DMD: variants seen among roughly 807,000 people sequenced by gnomAD.
The protein encoded by DMD is dystrophin.
A neutral mutation model predicts 330.1 loss-of-function variants in DMD; 63 were observed. That is an observed-to-expected ratio of 0.19 (90% CI 0.16 to 0.24). The LOEUF (loss-of-function observed/expected upper bound fraction) is 0.24, where lower values mean the gene tolerates loss of function less well. Ranked by LOEUF, DMD falls within the 10% of genes least tolerant of loss-of-function variation. The pLI is 1.00. For missense variants in DMD, 3,344 were observed against 2,684.1 expected, an observed-to-expected ratio of 1.25 and a Z score of -5.43; for synonymous variants, 1,223 against 959.8, an observed-to-expected ratio of 1.27 and a Z score of -5.07.
chrX:31,487,482 A>G (rs2068907848), intron 57 of DMD, among the ~76,000 whole-genome samples: 1 of 111,041 alleles, frequency 9.0e-6, no homozygotes, highest in Admixed American at 9.6e-5. Flanking sequence ...GTTAGCCAGG[A>G]TGGTCTTGAT....
intron 44 of DMD, among the ~76,000 whole-genome samples, chrX:32,037,547 T>C (rs1810748266): frequency 9.0e-6 from 1 of 111,669 alleles, no homozygotes; most frequent in South Asian, 3.7e-4. Context: ...ATAGCCTCCT[T>C]CCATTGATTC....
chrX:31,947,512 C>A (rs1452760738), intron 45 of DMD, among the ~76,000 whole-genome samples: 1 of 112,158 alleles, frequency 8.9e-6, no homozygotes, highest in Non-Finnish European at 1.9e-5. Context: ...CCCCGACTGA[C>A]TACGATGGTT....
At chrX:32,048,002 T>C (rs1603623209) in intron 44 of DMD, among the ~76,000 whole-genome samples, 1 of 107,241 alleles carries the variant, frequency 9.3e-6, no homozygotes, top group Admixed American at 1.0e-4. Context: ...ATTTATAACA[T>C]CTTCAGTTTC....
At chrX:33,202,691 A>C (rs2051344791) in intron 1 of DMD, among the ~76,000 whole-genome samples, 1 of 111,991 alleles carries the variant, frequency 8.9e-6, no homozygotes, top group African/African-American at 3.2e-5. Context: ...GCCTATTTAT[A>C]AAAATGGATT....
intron 53 of DMD, among the ~76,000 whole-genome samples, chrX:31,664,529 C>CTTTTTTTTTTTT (rs57706460): frequency 1.6e-5 from 1 of 63,786 alleles, no homozygotes; most frequent in Non-Finnish European, 2.8e-5. Flanking sequence ...AGTGTTCAAG[C>CTTTTTTTTTTTT]TTTTTTTTTT....
intron 1 of DMD, among the ~76,000 whole-genome samples, chrX:33,104,430 C>A (rs1167565555): frequency 1.8e-5 from 2 of 111,038 alleles, no homozygotes; most frequent in African/African-American, 6.5e-5. Context: ...ATGGCCTGTT[C>A]CTGCCTTAAC....
At position 32,137,076 on chromosome X, in the gene DMD, T is replaced by C. The variant is rs145317885; in HGVS notation, c.6438+79840A>G. The stretch of plus-strand genomic sequence containing the variant: ...GCGTGCATTATCAGCACAGATAACA[T>C]AAAACTTTTTTTAAAAATGTGGGTT... On this transcript the variant is annotated intron_variant, in intron 44 of 78. Coordinates refer to ENST00000357033, the MANE Select transcript of DMD (RefSeq NM_004006.3). Among the ~76,000 whole-genome samples the C allele has an allele frequency of 7.6e-3, 850 of 112,354 alleles. 5 individuals carry two copies. Among genetic ancestry groups the C allele is most frequent in the Middle Eastern group, 0.014 (3 of 216 alleles).
intron 2 of DMD, among the ~76,000 whole-genome samples, chrX:32,999,420 C>CCT (rs768410952): frequency 1.1e-4 from 12 of 111,844 alleles, no homozygotes; most frequent in South Asian, 3.8e-4. Context: ...TTGAAGACTC[C>CCT]CTTTTAAGTT....
At chrX:31,808,957 T>C (rs2092375577) in intron 50 of DMD, among the ~76,000 whole-genome samples, 1 of 110,332 alleles carries the variant, frequency 9.1e-6, no homozygotes, top group Admixed American at 9.8e-5. Flanking sequence ...ACTATTATAA[T>C]CCATAATGAA....
At chrX:33,262,349 C>T (rs1053882392) in intron 1 of DMD, among the ~76,000 whole-genome samples, 2 of 110,774 alleles carry the variant, frequency 1.8e-5, no homozygotes, top group African/African-American at 6.5e-5. Flanking sequence ...CAATATTATA[C>T]GACAATAAGA....
chrX:32,489,767 C>T (rs1334961312), intron 20 of DMD, among the ~76,000 whole-genome samples: 1 of 111,662 alleles, frequency 9.0e-6, no homozygotes, highest in Non-Finnish European at 1.9e-5. Flanking sequence ...TCTCAAGAAT[C>T]GGATAAGGTA....
intron 71 of DMD, among the ~76,000 whole-genome samples, chrX:31,176,550 G>A (rs2040521370): frequency 9.0e-6 from 1 of 110,965 alleles, no homozygotes; most frequent in Non-Finnish European, 1.9e-5. Context: ...TTTCTTACTC[G>A]GTTAAACTTA....
At chrX:31,441,136 CTCT>C (rs1273776998) in intron 60 of DMD, among the ~76,000 whole-genome samples, 1 of 112,257 alleles carries the variant, frequency 8.9e-6, no homozygotes, top group Non-Finnish European at 1.9e-5. Context: ...AAATTTAAGA[CTCT>C]TCTTCTTTTC....
At chrX:32,814,773 A>G (rs759534851) in intron 6 of DMD, among the ~76,000 whole-genome samples, 38 of 111,804 alleles carry the variant, frequency 3.4e-4, no homozygotes, top group African/African-American at 1.1e-3. Flanking sequence ...ATCATTAAAT[A>G]GAATATTAAC....
At chrX:31,754,296 T>C (rs746549143) in intron 51 of DMD, among the ~76,000 whole-genome samples, 1 of 111,794 alleles carries the variant, frequency 8.9e-6, no homozygotes, top group East Asian at 2.8e-4. Context: ...ATCTGGCCTA[T>C]ATGCAGACAA....
At chrX:33,218,239 T>A (rs895315706) in intron 1 of DMD, among the ~76,000 whole-genome samples, 3 of 111,591 alleles carry the variant, frequency 2.7e-5, no homozygotes, top group Non-Finnish European at 5.7e-5. Context: ...TGTGTAAAAA[T>A]TTGTTAAGGC....
chrX:33,304,253 A>G (rs1295913906), intron 1 of DMD, among the ~76,000 whole-genome samples: 1 of 110,810 alleles, frequency 9.0e-6, no homozygotes, highest in Non-Finnish European at 1.9e-5. Context: ...GCCCTCAGAA[A>G]TAATGCTGCA....
At chrX:31,700,651 T>C (rs894474139) in intron 52 of DMD, among the ~76,000 whole-genome samples, 2 of 112,043 alleles carry the variant, frequency 1.8e-5, no homozygotes, top group African/African-American at 3.2e-5. Context: ...CATCCAGTCA[T>C]AATGAAACAT....
chrX:32,510,240 G>A (rs907433305), intron 18 of DMD, among the ~76,000 whole-genome samples: 1 of 111,378 alleles, frequency 9.0e-6, no homozygotes, highest in African/African-American at 3.3e-5. Context: ...GCAGCCACAC[G>A]CTTACCTTTT....
Sources: gnomAD v4.1 joint callset for allele counts (sites outside exome capture counted in the v4.1 genomes callset) on GRCh38, gnomAD v4.1.1 for gene constraint, MANE v1.5 for transcripts, NCBI Gene and HGNC (gene_info 2026-07-23, HGNC 2026-07-21) for gene names.